PRKAG1: variants seen among roughly 807,000 people sequenced by gnomAD.
PRKAG1 encodes the protein 5'-AMP-activated protein kinase subunit gamma-1.
In PRKAG1, 27 loss-of-function variants were observed where a neutral mutation model predicts 48.2. That is an observed-to-expected ratio of 0.56 (90% CI 0.41 to 0.77). The LOEUF (loss-of-function observed/expected upper bound fraction) is 0.77. Among genes scored for constraint, PRKAG1 ranks in the 30% least tolerant of loss-of-function variants. PRKAG1 has a pLI of 0.00. For synonymous variants in PRKAG1, 130 were observed against 147.7 expected, an observed-to-expected ratio of 0.88 and a Z score of 0.87; for missense variants, 287 against 398.3, an observed-to-expected ratio of 0.72 and a Z score of 2.38.
At chr12:49,014,176 G>A (rs1200280986) in intron 1 of PRKAG1, among the ~76,000 whole-genome samples, 1 of 152,104 alleles carries the variant, frequency 6.6e-6, no homozygotes, top group Non-Finnish European at 1.5e-5. Flanking sequence ...GAGCCACCAC[G>A]CCCGGCCATT....
At chr12:49,012,041 G>A (rs1941781131) in intron 2 of PRKAG1, among the ~76,000 whole-genome samples, 1 of 152,136 alleles carries the variant, frequency 6.6e-6, no homozygotes, top group Non-Finnish European at 1.5e-5. Context: ...ATTTTTAGTA[G>A]AGACAAGATT....
chr12:49,004,775 G>C, intron 7 of PRKAG1, 142 bp from the exon 8 acceptor site: 10 of 1,282,878 alleles, frequency 7.8e-6, no homozygotes, highest in Non-Finnish European at 1.1e-5. Context: ...AAGAGAAAGA[G>C]AGAGAGAGAG....
chr12:49,014,571 G>C (rs1259482808), intron 1 of PRKAG1, among the ~76,000 whole-genome samples: 1 of 152,262 alleles, frequency 6.6e-6, no homozygotes, highest in Non-Finnish European at 1.5e-5. Context: ...GGCAGAGAGA[G>C]AGCCACAACT....
chr12:49,014,341 T>C (rs1941882214), intron 1 of PRKAG1, among the ~76,000 whole-genome samples: 1 of 152,240 alleles, frequency 6.6e-6, no homozygotes, highest in African/African-American at 2.4e-5. Flanking sequence ...GCAAAGCTCA[T>C]GTTCTTGTAC....
chr12:49,007,481 GTTT>G (rs1416865311), intron 2 of PRKAG1, among the ~76,000 whole-genome samples: 2 of 152,034 alleles, frequency 1.3e-5, no homozygotes, highest in South Asian at 4.1e-4. Flanking sequence ...AATCAATTTG[GTTT>G]TTAATATTTA....
intron 2 of PRKAG1, among the ~76,000 whole-genome samples, chr12:49,007,268 CAG>C (rs752291269): frequency 3.5e-5 from 5 of 141,796 alleles, no homozygotes; most frequent in Non-Finnish European, 6.0e-5. Context: ...GCCTGGGCGA[CAG>C]AGTGAGACTC....
rs1425867825 is a variant in PRKAG1 at position 49,005,246 on chromosome 12, T to A, written c.309+60A>T. The A allele has an allele frequency of 1.9e-6, 3 of 1,612,684 alleles. No individual in the cohort carries two copies. Among genetic ancestry groups the A allele is most frequent in the Non-Finnish European group, 2.5e-6 (3 of 1,178,844 alleles). On this transcript the variant is annotated intron_variant, in intron 5 of 11. Transcript: ENST00000548065. This position sits in a 1 kb window ranked among gnomAD's most constrained non-coding sequence, Gnocchi z 4.1. ...CGTGGCTTGCTTGGAGAAAAAGAAA[T>A]GAGAATGAGGGATTTAGGGCAGGGA...
rs878889856 is a variant in PRKAG1, at chr12:49,004,650, G to T, written c.411-17C>A. ...TCAAACAAGCTGTGAGAGGGTGGGA[G>T]ATAATAAGTTCCACAGTGCTGGGGC... On this transcript the variant is annotated splice_polypyrimidine_tract_variant and intron_variant, in intron 7 of 11. Coordinates refer to ENST00000548065, the MANE Select transcript of PRKAG1 (RefSeq NM_002733.5). 6.2e-7 allele frequency: 1 copy of T among 1,613,882 alleles called. No homozygotes were observed. The highest frequency in any genetic ancestry group is 8.5e-7 in the Non-Finnish European group (1 of 1,179,952).
At chr12:49,015,513 A>G (rs1407328225) in intron 1 of PRKAG1, among the ~76,000 whole-genome samples, 2 of 151,760 alleles carry the variant, frequency 1.3e-5, no homozygotes, top group African/African-American at 4.8e-5. Flanking sequence ...GGAAAGAAAC[A>G]TAGAGCTAAC....
At position 49,015,373 on chromosome 12, in the gene PRKAG1, A is replaced by T. The variant is rs1021663450; in HGVS notation, c.10-2263T>A. Among the ~76,000 whole-genome samples the T allele has an allele frequency of 2.0e-5, 3 of 152,366 alleles. 1 individual carries two copies. Among genetic ancestry groups the T allele is most frequent in the Admixed American group, 1.3e-4 (2 of 15,310 alleles). ...ATTCCTGGAAACCTAGAACTATCTT[A>T]TACTTTGTATCTCCCATACCACCAA... On this transcript the variant is annotated intron_variant, in intron 1 of 11. Coordinates refer to ENST00000548065, the MANE Select transcript of PRKAG1 (RefSeq NM_002733.5).
At position 49,005,830 on chromosome 12, in the gene PRKAG1, G is replaced by T; in HGVS notation, c.81C>A (p.Ser27Arg). Residue 27 changes from serine to arginine, a missense_variant, in exon 3 of 12, where the codon AGC becomes AGA. This residue lies in a region of PRKAG1 where 63 missense variants were observed against 54.0 expected (regional missense o/e 1.17). Transcript: ENST00000548065. This position sits in a 1 kb window ranked among gnomAD's most constrained non-coding sequence, Gnocchi z 4.1. The part of the protein sequence containing the change: ...HPQETPESNN[S>R]VYTSFMKSHR... ...GAGACTTCATGAAGGAAGTATACACGCTATTGTTGGATTCTGGGGTCTCTG... is the reference window on the plus strand; with the variant it reads ...GAGACTTCATGAAGGAAGTATACACTCTATTGTTGGATTCTGGGGTCTCTG... The T allele has an allele frequency of 6.2e-7, 1 of 1,609,292 alleles. No individual in the cohort carries two copies. The highest frequency in any genetic ancestry group is 8.5e-7 in the Non-Finnish European group (1 of 1,177,228).
At chr12:49,010,806 G>A (rs1343459850) in intron 2 of PRKAG1, among the ~76,000 whole-genome samples, 4 of 150,820 alleles carry the variant, frequency 2.7e-5, no homozygotes, top group South Asian at 2.1e-4. Context: ...CCTTTATGGT[G>A]GTTTTAGGGG....
intron 9 of PRKAG1, 35 bp downstream of exon 9, chr12:49,003,722 A>G: frequency 6.2e-7 from 1 of 1,606,266 alleles, no homozygotes; most frequent in Non-Finnish European, 8.5e-7. Flanking sequence ...ACTTGCCTGG[A>G]TCTTCCCTCC....
intron 8 of PRKAG1, 48 bp downstream of exon 8, chr12:49,004,458 AT>A (rs1941432835): frequency 6.3e-7 from 1 of 1,594,116 alleles, no homozygotes; most frequent in Non-Finnish European, 8.6e-7. Flanking sequence ...CAATCAATCA[AT>A]CAATCAATGA....
Position 49,010,906 on chromosome 12 carries a change from C to T in PRKAG1, c.58+2156G>A, listed in dbSNP as rs571241964. On this transcript the variant is annotated intron_variant, in intron 2 of 11. Transcript: ENST00000548065. Reference sequence around the variant, plus strand: ...TCACCCAAGCTGGAGTGCAGTGGTGCGATCTCCACTCACTGCAACCTCCTC... The same window carrying T: ...TCACCCAAGCTGGAGTGCAGTGGTGTGATCTCCACTCACTGCAACCTCCTC... 1.8e-4 allele frequency among the ~76,000 whole-genome samples: 27 copies of T among 150,306 alleles called. No individual in the cohort carries two copies. In the South Asian group the frequency reaches 4.4e-3, roughly 25 times the overall value.
At chr12:49,006,577 T>C (rs1160988212) in intron 2 of PRKAG1, among the ~76,000 whole-genome samples, 2 of 152,226 alleles carry the variant, frequency 1.3e-5, no homozygotes, top group Non-Finnish European at 2.9e-5. Flanking sequence ...TTTACCTTTT[T>C]CTATTCCTGT....
chr12:49,003,037 T>C (rs747064910), intron 11 of PRKAG1, 31 bp from the exon 12 acceptor site: 44 of 1,613,056 alleles, frequency 2.7e-5, no homozygotes, highest in Admixed American at 6.7e-5. Context: ...AGAAAGGGAA[T>C]GTTTAGTGCT....
rs146670589 is a variant in PRKAG1, at chr12:49,008,221, AT to A, written c.59-2370del. Among the ~76,000 whole-genome samples the A allele has an allele frequency of 1.4e-3, 214 of 151,584 alleles. 2 individuals carry two copies. Among genetic ancestry groups the A allele is most frequent in the African/African-American group, 5.0e-3 (206 of 41,370 alleles). On this transcript the variant is annotated intron_variant, in intron 2 of 11. Transcript: ENST00000548065. ...GAGATAAGCCAAATAGTAAACTCTG[AT>A]TTTTTTTTCTTCCTTCACAACTTTG...
chr12:49,015,175 TTA>T (rs2137682364), intron 1 of PRKAG1, among the ~76,000 whole-genome samples: 1 of 152,242 alleles, frequency 6.6e-6, no homozygotes, highest in East Asian at 1.9e-4. Flanking sequence ...GCCTCATCAC[TTA>T]TAAGTGGGAG....
Sources: gnomAD v4.1 joint callset for allele counts (sites outside exome capture counted in the v4.1 genomes callset) on GRCh38, gnomAD v4.1.1 for gene constraint, gnomAD v4.1.1 regional missense constraint, Gnocchi (gnomAD v3.1) non-coding constraint, MANE v1.5 for transcripts, NCBI Gene and HGNC (gene_info 2026-07-23, HGNC 2026-07-21) for gene names.